DACH1: variants seen among roughly 807,000 people sequenced by gnomAD.
DACH1 encodes dachshund homolog 1.
In DACH1, 12 loss-of-function variants were observed where a neutral mutation model predicts 54.2. The observed-to-expected ratio is 0.22, with a 90% CI of 0.14 to 0.36. DACH1 has a LOEUF of 0.36. DACH1 is among the 10% of genes least tolerant of loss of function. DACH1 has a pLI of 1.00. For missense variants in DACH1, 805 were observed against 929.8 expected, an observed-to-expected ratio of 0.87 and a Z score of 1.75; for synonymous variants, 386 against 366.2, an observed-to-expected ratio of 1.05 and a Z score of -0.62.
intron 1 of DACH1, among the ~76,000 whole-genome samples, chr13:71,719,694 A>G (rs1265437198): frequency 3.3e-5 from 5 of 152,036 alleles, no homozygotes; most frequent in African/African-American, 9.7e-5. Context: ...CTGAAACCCC[A>G]TCACTACAAA....
intron 1 of DACH1, among the ~76,000 whole-genome samples, chr13:71,828,078 C>G (rs928356706): frequency 5.3e-5 from 8 of 151,986 alleles, no homozygotes; most frequent in African/African-American, 1.9e-4. Flanking sequence ...TCAATATCTG[C>G]AACACAAATT....
intron 1 of DACH1, among the ~76,000 whole-genome samples, chr13:71,720,406 T>C (rs1883178574): frequency 6.6e-6 from 1 of 152,172 alleles, no homozygotes; most frequent in African/African-American, 2.4e-5. Context: ...CTCTCAGAAA[T>C]ATATATAGGT....
At chr13:71,639,711 A>G (rs544582719) in intron 2 of DACH1, among the ~76,000 whole-genome samples, 1 of 152,190 alleles carries the variant, frequency 6.6e-6, no homozygotes, top group Non-Finnish European at 1.5e-5. Flanking sequence ...TCATCTGGCC[A>G]TATCAATCAC....
At chr13:71,760,990 T>G (rs1594188911) in intron 1 of DACH1, among the ~76,000 whole-genome samples, 1 of 152,264 alleles carries the variant, frequency 6.6e-6, no homozygotes, top group Middle Eastern at 3.4e-3. Flanking sequence ...CAATGTTATC[T>G]TAAATCCTTC....
intron 2 of DACH1, among the ~76,000 whole-genome samples, chr13:71,649,321 C>T (rs995367201): frequency 6.6e-6 from 1 of 152,108 alleles, no homozygotes; most frequent in Non-Finnish European, 1.5e-5. Context: ...CAGAATGTAT[C>T]TTCGTCATTA....
At chr13:71,865,900 G>A (rs748983860) in intron 1 of DACH1, 22 bp downstream of exon 1, 259 of 1,564,566 alleles carry the variant, frequency 1.7e-4, no homozygotes, top group Non-Finnish European at 2.2e-4. Context: ...GCGGGCGGCG[G>A]GGGCTATCCC....
chr13:71,854,258 TA>T (rs1873855532), intron 1 of DACH1, among the ~76,000 whole-genome samples: 1 of 152,084 alleles, frequency 6.6e-6, no homozygotes, highest in African/African-American at 2.4e-5. Flanking sequence ...TAGATGTTTA[TA>T]GGTAAATTTC....
chr13:71,634,051 C>G (rs1205236551), intron 2 of DACH1, among the ~76,000 whole-genome samples: 1 of 151,652 alleles, frequency 6.6e-6, no homozygotes, highest in East Asian at 1.9e-4. Context: ...CTGCTCACTC[C>G]AACCTCCGCC....
chr13:71,498,662 A>AC (rs1879647845), intron 6 of DACH1, among the ~76,000 whole-genome samples: 1 of 27,156 alleles, frequency 3.7e-5, no homozygotes, highest in South Asian at 5.4e-3. Context: ...AAGAAGAAAA[A>AC]AAAAAAAAAC....
intron 1 of DACH1, among the ~76,000 whole-genome samples, chr13:71,778,077 G>A (rs189599705): frequency 6.7e-6 from 1 of 150,086 alleles, no homozygotes; most frequent in Admixed American, 6.7e-5. Context: ...AGGCGACAGA[G>A]TGAGACCCTG....
chr13:71,812,514 TGGC>T, intron 1 of DACH1, among the ~76,000 whole-genome samples: 1 of 49,032 alleles, frequency 2.0e-5, no homozygotes, highest in Middle Eastern at 0.013. Flanking sequence ...GGCATCAAAA[TGGC>T]ACCATCAGAA....
At chr13:71,791,151 C>T (rs1886812890) in intron 1 of DACH1, among the ~76,000 whole-genome samples, 1 of 152,132 alleles carries the variant, frequency 6.6e-6, no homozygotes. Context: ...AGTGATCTTC[C>T]TTTAGTCAAA....
At chr13:71,751,295 T>C (rs1284649023) in intron 1 of DACH1, among the ~76,000 whole-genome samples, 2 of 152,218 alleles carry the variant, frequency 1.3e-5, no homozygotes, top group African/African-American at 4.8e-5. Flanking sequence ...TTTACTATAA[T>C]AACATCACAC....
At chr13:71,641,135 T>C (rs999362973) in intron 2 of DACH1, among the ~76,000 whole-genome samples, 1 of 151,796 alleles carries the variant, frequency 6.6e-6, no homozygotes, top group East Asian at 1.9e-4. Context: ...TAAATAAAAA[T>C]AGCTGGAAAA....
At chr13:71,723,420 A>G (rs1047042736) in intron 1 of DACH1, among the ~76,000 whole-genome samples, 1 of 152,100 alleles carries the variant, frequency 6.6e-6, no homozygotes. Flanking sequence ...TCTAAAAAAT[A>G]AAATAAAATG....
intron 7 of DACH1, among the ~76,000 whole-genome samples, chr13:71,487,338 C>A (rs1256205639): frequency 1.3e-5 from 2 of 152,058 alleles, no homozygotes; most frequent in African/African-American, 4.8e-5. Context: ...TCTAGAGCCA[C>A]CTACAATGAG....
intron 1 of DACH1, among the ~76,000 whole-genome samples, chr13:71,797,671 G>A (rs1228918611): frequency 1.3e-5 from 2 of 152,058 alleles, no homozygotes; most frequent in Non-Finnish European, 2.9e-5. Context: ...GTGTTATTGT[G>A]TCAGGTTGAT....
intron 1 of DACH1, among the ~76,000 whole-genome samples, chr13:71,775,158 T>TTTTTTTTA (rs1237964660): frequency 1.6e-5 from 2 of 125,394 alleles, no homozygotes; most frequent in Non-Finnish European, 3.2e-5. Flanking sequence ...TTTTTTTTTT[T>TTTTTTTTA]AAATTAGCTA....
At chr13:71,530,622 A>G (rs1473341921) in intron 6 of DACH1, among the ~76,000 whole-genome samples, 1 of 152,146 alleles carries the variant, frequency 6.6e-6, no homozygotes, top group African/African-American at 2.4e-5. Context: ...TCAGTTTCAC[A>G]TCTCATTTCT....
Sources: allele counts gnomAD v4.1 joint callset (sites outside exome capture counted in the v4.1 genomes callset), GRCh38; gene constraint gnomAD v4.1.1; transcripts MANE v1.5; gene names NCBI Gene and HGNC (gene_info 2026-07-23, HGNC 2026-07-21).